Variants in PCDH9 observed in about 807,000 individuals in gnomAD.
PCDH9 encodes the protein protocadherin-9.
A neutral mutation model predicts 70.6 loss-of-function variants in PCDH9; 24 were observed. The observed-to-expected ratio is 0.34, with a 90% CI of 0.25 to 0.48. PCDH9 has a LOEUF of 0.48. Ranked by LOEUF, PCDH9 falls within the 20% of genes least tolerant of loss-of-function variation. The pLI is 0.99. For synonymous variants in PCDH9, 562 were observed against 558.5 expected, an observed-to-expected ratio of 1.01 and a Z score of -0.09; for missense variants, 1,281 against 1,503.6, an observed-to-expected ratio of 0.85 and a Z score of 2.45.
chr13:66,770,155 A>G (rs1270848209), intron 3 of PCDH9, among the ~76,000 whole-genome samples: 1 of 152,162 alleles, frequency 6.6e-6, no homozygotes, highest in Non-Finnish European at 1.5e-5. Flanking sequence ...TTAAATTATT[A>G]CTATAGATAG....
At chr13:66,423,830 C>CA (rs1292794642) in intron 4 of PCDH9, among the ~76,000 whole-genome samples, 6 of 152,066 alleles carry the variant, frequency 3.9e-5, no homozygotes, top group African/African-American at 1.4e-4. Context: ...CTGGCCAGGG[C>CA]AATCAGGCAA....
At chr13:66,608,462 T>C (rs1350490387) in intron 4 of PCDH9, among the ~76,000 whole-genome samples, 1 of 152,142 alleles carries the variant, frequency 6.6e-6, no homozygotes, top group Non-Finnish European at 1.5e-5. Flanking sequence ...TAAGAAAGTT[T>C]CTTAGTTTGG....
chr13:66,766,294 A>C (rs955799643), intron 3 of PCDH9, among the ~76,000 whole-genome samples: 1 of 151,970 alleles, frequency 6.6e-6, no homozygotes, highest in African/African-American at 2.4e-5. Flanking sequence ...AGACTCACCA[A>C]GCCATGGTGC....
chr13:66,836,890 T>C (rs1374551049), intron 3 of PCDH9, among the ~76,000 whole-genome samples: 1 of 152,168 alleles, frequency 6.6e-6, no homozygotes, highest in Non-Finnish European at 1.5e-5. Flanking sequence ...TCCTATAAAA[T>C]AGTCTACCTC....
chr13:66,977,849 C>T (rs1566334858), intron 2 of PCDH9, among the ~76,000 whole-genome samples: 2 of 152,104 alleles, frequency 1.3e-5, no homozygotes, highest in South Asian at 4.1e-4. Flanking sequence ...AATGCTCTAT[C>T]CCACCAGATT....
At chr13:66,872,446 TATA>T (rs145741699) in intron 3 of PCDH9, among the ~76,000 whole-genome samples, 4,307 of 152,210 alleles carry the variant, frequency 0.028, 193 homozygotes, top group African/African-American at 0.098. Context: ...CTAGCAAGGA[TATA>T]ATGTTTAGAG....
intron 2 of PCDH9, among the ~76,000 whole-genome samples, chr13:67,147,407 T>C (rs2087548294): frequency 6.6e-6 from 1 of 152,180 alleles, no homozygotes; most frequent in Admixed American, 6.5e-5. Context: ...AAGCTGGGAA[T>C]GTGTATCTAC....
chr13:66,871,539 CGTAGTTAGTCCCTCT>C (rs1003777972), intron 3 of PCDH9, among the ~76,000 whole-genome samples: 2 of 151,738 alleles, frequency 1.3e-5, no homozygotes, highest in African/African-American at 4.8e-5. Flanking sequence ...GATGGTCTAC[CGTAGTTAGTCCCTCT>C]GTTACTTATT....
intron 3 of PCDH9, among the ~76,000 whole-genome samples, chr13:66,869,758 AC>A (rs2081640440): frequency 6.6e-6 from 1 of 151,986 alleles, no homozygotes; most frequent in Non-Finnish European, 1.5e-5. Context: ...CACCACGTCA[AC>A]CCCCAGCACA....
rs148695334 is a variant in PCDH9 at position 66,636,271 on chromosome 13, A to C, written c.3139-4860T>G. On this transcript the variant is annotated intron_variant, in intron 3 of 4. Transcript: ENST00000377865. ...ATTGTTTATCTTCATCACTTATAGA[A>C]AATTAGAGCTTAATCCAGAAGAACA... 4.1e-3 allele frequency among the ~76,000 whole-genome samples: 631 copies of C among 152,278 alleles called. 18 individuals are homozygous for C. The East Asian group carries it at 0.08, about 19-fold the overall frequency.
At chr13:66,319,180 A>G (rs1028619955) in intron 4 of PCDH9, among the ~76,000 whole-genome samples, 1 of 152,058 alleles carries the variant, frequency 6.6e-6, no homozygotes, top group East Asian at 1.9e-4. Flanking sequence ...GAAATTTCAA[A>G]CACTTATGAA....
chr13:66,887,077 A>C (rs545442423), intron 3 of PCDH9, among the ~76,000 whole-genome samples: 119 of 124,406 alleles, frequency 9.6e-4, no homozygotes, highest in African/African-American at 2.7e-3. Flanking sequence ...ACACACACAC[A>C]CCCTGTATTT....
intron 3 of PCDH9, among the ~76,000 whole-genome samples, chr13:66,866,452 A>G (rs1802848124): frequency 6.6e-6 from 1 of 151,986 alleles, no homozygotes; most frequent in South Asian, 2.1e-4. Context: ...ACTGCACTCC[A>G]GCCTGGGGGA....
At chr13:66,550,370 T>A (rs1162458571) in intron 4 of PCDH9, among the ~76,000 whole-genome samples, 1 of 152,100 alleles carries the variant, frequency 6.6e-6, no homozygotes, top group Non-Finnish European at 1.5e-5. Flanking sequence ...ACAAATGAGA[T>A]TGAGACTTCT....
At chr13:67,138,466 G>T (rs1288454806) in intron 2 of PCDH9, among the ~76,000 whole-genome samples, 1 of 152,150 alleles carries the variant, frequency 6.6e-6, no homozygotes, top group Non-Finnish European at 1.5e-5. Flanking sequence ...GGGTCTGGAG[G>T]CAGGGAACAT....
At chr13:67,057,733 T>C (rs1056517061) in intron 2 of PCDH9, among the ~76,000 whole-genome samples, 7 of 152,192 alleles carry the variant, frequency 4.6e-5, no homozygotes, top group East Asian at 1.9e-4. Flanking sequence ...TGTTTTTTTT[T>C]CTCTAAAAAT....
chr13:66,925,382 T>A (rs2082701532), intron 2 of PCDH9, among the ~76,000 whole-genome samples: 1 of 151,932 alleles, frequency 6.6e-6, no homozygotes, highest in South Asian at 2.1e-4. Flanking sequence ...TTTTCTCATA[T>A]GAATTCACTT....
chr13:66,326,715 C>T (rs139436113), intron 4 of PCDH9, among the ~76,000 whole-genome samples: 3 of 152,194 alleles, frequency 2.0e-5, no homozygotes, highest in South Asian at 2.1e-4. Context: ...CGCTCCTAGT[C>T]GCATAATGCA....
At chr13:66,903,988 T>A (rs1018615486) in intron 2 of PCDH9, among the ~76,000 whole-genome samples, 20 of 152,038 alleles carry the variant, frequency 1.3e-4, no homozygotes, top group African/African-American at 4.6e-4. Flanking sequence ...TGGATATTAT[T>A]AACTACCTCC....
Sources: gnomAD v4.1 joint callset for allele counts (sites outside exome capture counted in the v4.1 genomes callset) on GRCh38, gnomAD v4.1.1 for gene constraint, MANE v1.5 for transcripts, NCBI Gene and HGNC (gene_info 2026-07-23, HGNC 2026-07-21) for gene names.